The following FAM3A variants were observed in gnomAD, a reference collection of about 807,000 sequenced individuals.
FAM3A encodes the protein FAM3 metabolism regulating signaling molecule A.
In FAM3A, 5 loss-of-function variants were observed where a neutral mutation model predicts 18.1. That is an observed-to-expected ratio of 0.28 (90% CI 0.14 to 0.58). The LOEUF (loss-of-function observed/expected upper bound fraction) is 0.58, where lower values mean the gene tolerates loss of function less well. FAM3A is among the 20% of genes least tolerant of loss of function. The probability of loss-of-function intolerance (pLI) is 0.91; values close to 1 mark genes in which losing one functional copy is unlikely to be tolerated. For missense variants in FAM3A, 154 were observed against 216.6 expected (o/e 0.71, Z 1.81); for synonymous variants, 108 against 90.2 (o/e 1.20, Z -1.12).
At chrX:154,508,673 A>G (rs1557220912) in intron 3 of FAM3A, 76 bp from the exon 4 acceptor site, 1 of 1,097,513 alleles carries the variant, frequency 9.1e-7, no homozygotes, top group Admixed American at 2.6e-5. Flanking sequence ...GGTCAGGACC[A>G]GCACACATGG....
intron 8 of FAM3A, 66 bp downstream of exon 8, chrX:154,507,137 C>G: frequency 8.7e-7 from 1 of 1,147,854 alleles, no homozygotes. Context: ...TGGGGAGGCT[C>G]GTCGCATGCA....
chrX:154,513,227 CT>C (rs1420119635), intron 1 of FAM3A, among the ~76,000 whole-genome samples: 2 of 111,792 alleles, frequency 1.8e-5, no homozygotes, highest in Non-Finnish European at 3.8e-5. Flanking sequence ...CTCCAGCCCT[CT>C]TTCCAAGAAC....
Position 154,508,562 on chromosome X carries a change from G to T in FAM3A, c.187C>A (p.Gln63Lys). Reference sequence around the variant, plus strand: ...GCCAGGTGCTCCTCAGGACACGGCTGGGGCAGGCCACACTTGTACTTCCTG... The same window carrying T: ...GCCAGGTGCTCCTCAGGACACGGCTTGGGCAGGCCACACTTGTACTTCCTG... ...RARKYKCGLP[Q>K]PCPEEHLAFR... is the part of the protein sequence containing the mutation. Residue 63 changes from glutamine to lysine, a missense_variant, in exon 4 of 9, where the codon CAG (glutamine) becomes AAG (lysine). By Grantham distance (53) the Gln-to-Lys change is moderately conservative (BLOSUM62 1). Around this residue, in one of 3 missense-constraint regions of FAM3A, gnomAD observed 112 missense variants for 160.0 expected, o/e 0.70. Coordinates refer to ENST00000447601, the MANE Select transcript of FAM3A (RefSeq NM_021806.4). The T allele has an allele frequency of 8.3e-7, 1 of 1,199,909 alleles. No individual in the cohort carries two copies.
intron 1 of FAM3A, among the ~76,000 whole-genome samples, chrX:154,514,771 A>T (rs782747870): frequency 1.8e-5 from 2 of 109,550 alleles, no homozygotes; most frequent in Non-Finnish European, 3.8e-5. Context: ...CTGGTCTCGA[A>T]CTCTTGACCT....
At position 154,508,593 on chromosome X, in the gene FAM3A, T is replaced by A; in HGVS notation, c.156A>T (p.Pro52=). 1 of 1,189,076 alleles carries A rather than the reference T, an allele frequency of 8.4e-7. No homozygotes were observed. The highest frequency in any genetic ancestry group is 2.4e-5 in the Admixed American group (1 of 42,397). ...GGCCACACTTGTACTTCCTGGCCCG[T>A]GGCGCTGGGCAGGGATAGCAGGTGT... is the stretch of plus-strand genomic sequence containing the variant. The part of the protein sequence containing the change: ...TSPESSVTAA[P]RARKYKCGLP... The change falls in exon 4 of 9, where the codon CCA becomes CCT. Residue 52 remains proline (P), a synonymous_variant. Transcript: ENST00000447601.
intron 1 of FAM3A, 23 bp downstream of exon 1, chrX:154,515,737 C>T: frequency 8.3e-7 from 1 of 1,210,549 alleles, no homozygotes; most frequent in Admixed American, 2.2e-5. Context: ...AACTCCCTCC[C>T]GTTCGCTGTG....
At chrX:154,511,616 G>T (rs782470819) in intron 3 of FAM3A, among the ~76,000 whole-genome samples, 6 of 111,932 alleles carry the variant, frequency 5.4e-5, no homozygotes, top group Admixed American at 2.9e-4. Flanking sequence ...TTCCTTCCAA[G>T]TTGCCCTTTT....
chrX:154,515,199 GTTCC>G (rs1569555998), intron 1 of FAM3A, among the ~76,000 whole-genome samples: 1 of 111,955 alleles, frequency 8.9e-6, no homozygotes, highest in Non-Finnish European at 1.9e-5. Context: ...CTATTTTCTA[GTTCC>G]AGCCGTGGCC....
intron 6 of FAM3A, 76 bp downstream of exon 6, chrX:154,507,735 G>C (rs782040583): frequency 4.0e-6 from 4 of 988,420 alleles, no homozygotes; most frequent in Non-Finnish European, 5.6e-6. Flanking sequence ...TACAGACAGA[G>C]AGAGCAGTGT....
In FAM3A at chrX:154,515,994, C is replaced by T. The variant is rs1418825410; in HGVS notation, c.-222G>A. On this transcript the variant is annotated 5_prime_UTR_variant, in exon 1 of 9. Transcript: ENST00000447601. ...CTGGCCAGGAGGGGCCTCAGGAACC[C>T]GTTGGCTCACGATCTTGCCCACAGG... The T allele has an allele frequency of 6.9e-6, 3 of 432,292 alleles. No individual in the cohort carries two copies. Among genetic ancestry groups the T allele is most frequent in the Non-Finnish European group, 1.2e-5 (3 of 247,406 alleles). 35.6% of individuals were successfully genotyped at this position (432,292 alleles called of 1,213,427 possible).
intron 3 of FAM3A, 61 bp from the exon 4 acceptor site, chrX:154,508,658 G>A: frequency 8.8e-7 from 1 of 1,132,603 alleles, no homozygotes; most frequent in Non-Finnish European, 1.2e-6. Flanking sequence ...GAGATCTGAA[G>A]GGGAGGTCAG....
chrX:154,515,224 C>T (rs1557225195), intron 1 of FAM3A, among the ~76,000 whole-genome samples: 1 of 112,239 alleles, frequency 8.9e-6, no homozygotes, highest in African/African-American at 3.2e-5. Context: ...TCTCTTGAAA[C>T]CACTCCCTGC....
rs1557218333 is a variant in FAM3A at position 154,506,721 on chromosome X, T to G, written c.*90A>C. On this transcript the variant is annotated 3_prime_UTR_variant, in exon 9 of 9. Coordinates refer to ENST00000447601, the MANE Select transcript of FAM3A (RefSeq NM_021806.4). Reference sequence around the variant, plus strand: ...GCCAGGGAGCGCTCCTGCCCGGGTGTGGGGTGTGAGCCTCAGCCTCTGTCC... The same window carrying G: ...GCCAGGGAGCGCTCCTGCCCGGGTGGGGGGTGTGAGCCTCAGCCTCTGTCC... The G allele has an allele frequency of 2.8e-6, 2 of 722,791 alleles. No individual in the cohort carries two copies. Among genetic ancestry groups the G allele is most frequent in the African/African-American group, 4.2e-5 (2 of 47,718 alleles). The allele number at this position is 722,791 out of a possible 1,213,427, so 59.6% of individuals were successfully genotyped here. A position where few individuals can be genotyped will look rare whatever the true frequency, so the allele number is the denominator to read the frequency against.
intron 5 of FAM3A, 75 bp downstream of exon 5, chrX:154,508,214 G>A: frequency 8.6e-6 from 7 of 811,118 alleles, no homozygotes; most frequent in Non-Finnish European, 1.2e-5. Context: ...GGGAAGGGAG[G>A]GCAAACACCC....
Position 154,515,753 on chromosome X carries a change from C to T in FAM3A, c.13+7G>A. 1 of 1,211,605 alleles carries T rather than the reference C, an allele frequency of 8.3e-7. No individual in the cohort carries two copies. Among genetic ancestry groups the T allele is most frequent in the Non-Finnish European group, 1.1e-6 (1 of 895,094 alleles). On this transcript the variant is annotated splice_region_variant and intron_variant, in intron 1 of 8. Coordinates refer to ENST00000447601, the MANE Select transcript of FAM3A (RefSeq NM_021806.4). ...ACTCCCTCCCGTTCGCTGTGGAAGC[C>T]ACCCACCTGCCAACCTCATGTCCAC...
Position 154,506,543 on chromosome X carries a change from T to A in FAM3A, c.*268A>T. On this transcript the variant is annotated 3_prime_UTR_variant, in exon 9 of 9. Transcript: ENST00000447601. ...GTGAGGAATGGAGGACAGGGCTAGA[T>A]GGGCTGACCGGGGGGAACAGTGTTA... is the stretch of plus-strand genomic sequence containing the variant. 2.7e-6 allele frequency: 1 copy of A among 373,732 alleles called. No homozygotes were observed. Among genetic ancestry groups the A allele is most frequent in the East Asian group, 4.6e-5 (1 of 21,862 alleles). The allele number at this position is 373,732 out of a possible 1,213,427, so 30.8% of individuals were successfully genotyped here.
At chrX:154,507,729 G>T in intron 6 of FAM3A, 82 bp downstream of exon 6, 1 of 980,867 alleles carries the variant, frequency 1.0e-6, no homozygotes, top group South Asian at 2.0e-5. Flanking sequence ...TCCAAGTACA[G>T]ACAGAGAGAG....
At chrX:154,510,334 C>G (rs2069800269) in intron 3 of FAM3A, 1 of 110,926 alleles carries the variant, frequency 9.0e-6, no homozygotes, top group South Asian at 3.7e-4. Flanking sequence ...GAGCAAGACC[C>G]TGTCTCAATA....
At chrX:154,508,962 G>C (rs1218139402) in intron 3 of FAM3A, 2 of 286,832 alleles carry the variant, frequency 7.0e-6, no homozygotes, top group Non-Finnish European at 6.6e-6. Context: ...TAGTGTGGCA[G>C]GGGGTGCAGC....
Sources: gnomAD v4.1 joint callset for allele counts (sites outside exome capture counted in the v4.1 genomes callset) on GRCh38, gnomAD v4.1.1 for gene constraint, gnomAD v4.1.1 regional missense constraint, MANE v1.5 for transcripts, NCBI Gene and HGNC (gene_info 2026-07-23, HGNC 2026-07-21) for gene names.